AP3D1: variants seen among roughly 807,000 people sequenced by gnomAD.
AP3D1 encodes AP-3 complex subunit delta-1.
Under a neutral mutation model 147.6 loss-of-function variants are expected in AP3D1, and 51 were observed. The observed-to-expected ratio is 0.35, with a 90% confidence interval of 0.28 to 0.44. The LOEUF (loss-of-function observed/expected upper bound fraction) is 0.44, where lower values mean the gene tolerates loss of function less well. Among genes scored for constraint, AP3D1 ranks in the 20% least tolerant of loss-of-function variants. The pLI is 1.00. For missense variants in AP3D1, 1,421 were observed against 1,624.2 expected (o/e 0.87, Z 2.15); for synonymous variants, 760 against 663.0 (o/e 1.15, Z -2.25).
In AP3D1 at chr19:2,118,633, C is replaced by A. The variant is rs1442237398; in HGVS notation, c.1681G>T (p.Val561Leu). 1 of 1,611,838 alleles carries A rather than the reference C, an allele frequency of 6.2e-7. No individual in the cohort carries two copies. The highest frequency in any genetic ancestry group is 8.5e-7 in the Non-Finnish European group (1 of 1,179,986). ...TGCACCTCCAGGTCTGCGCTCTGCA[C>A]AAACTGGGGCAGCCGGTCCACCATG... Reference protein sequence around the residue: ...QLMVDRLPQFVQSADLEVQER... With the variant: ...QLMVDRLPQFLQSADLEVQER... The change falls in exon 15 of 32, where the codon GTG (valine) becomes TTG (leucine). Residue 561 changes from valine to leucine, a missense_variant. Transcript: ENST00000643116.
chr19:2,151,930 G>T (rs1454265254), upstream of AP3D1, among the ~76,000 whole-genome samples: 1 of 152,258 alleles, frequency 6.6e-6, no homozygotes, highest in Non-Finnish European at 1.5e-5. Context: ...AGGAAGACTG[G>T]AGCTCCGCCT....
intron 1 of AP3D1, among the ~76,000 whole-genome samples, chr19:2,158,112 G>A (rs943383970): frequency 1.3e-5 from 2 of 152,050 alleles, no homozygotes; most frequent in Non-Finnish European, 2.9e-5. Flanking sequence ...CTGCAGTGCA[G>A]TGGTGCGATC....
chr19:2,157,331 A>C (rs1003511030), intron 1 of AP3D1, among the ~76,000 whole-genome samples: 2 of 149,362 alleles, frequency 1.3e-5, no homozygotes, highest in Admixed American at 1.3e-4. Context: ...AGTCCCAGCT[A>C]CTTGGGAGGC....
intron 15 of AP3D1, among the ~76,000 whole-genome samples, chr19:2,118,262 G>C (rs546112398): frequency 1.3e-5 from 2 of 152,138 alleles, no homozygotes; most frequent in Non-Finnish European, 2.9e-5. Flanking sequence ...TAGAACCCAC[G>C]TCACCTGCAG....
Position 2,121,293 on chromosome 19 carries a change from T to A in AP3D1, c.1120A>T (p.Met374Leu), listed in dbSNP as rs768665050. ...LYGMVSKKNL[M>L]EIVKKLMTHV... ...GTCATCAGCTTCTTCACGATCTCCA[T>A]CAGGTTCTTCTTGGACACCTGGGCA... Residue 374 changes from methionine (M) to leucine (L), a missense_variant, in exon 13 of 32, where the codon ATG becomes TTG. Met to Leu is a conservative substitution (Grantham distance 15). Transcript: ENST00000643116. The A allele has an allele frequency of 1.2e-5, 19 of 1,614,138 alleles. No homozygotes were observed. The Admixed American group carries it at 3.0e-4, about 25-fold the overall frequency.
intron 1 of AP3D1, among the ~76,000 whole-genome samples, chr19:2,146,292 A>G (rs1599495248): frequency 6.6e-6 from 1 of 152,234 alleles, no homozygotes; most frequent in Non-Finnish European, 1.5e-5. Flanking sequence ...TACAGAAGTC[A>G]GGATCATTAC....
intron 18 of AP3D1, 86 bp from the exon 19 acceptor site, chr19:2,115,699 G>A (rs925363982): frequency 5.7e-6 from 8 of 1,397,120 alleles, no homozygotes; most frequent in East Asian, 4.8e-5. Flanking sequence ...GGAGCGTGAC[G>A]CAGCCCCAAC....
chr19:2,112,840 TG>T lies in AP3D1; in HGVS notation c.2787+19del. On this transcript the variant is annotated intron_variant, in intron 24 of 31. Transcript: ENST00000643116. ...GGCTCATGCAGCCCTCCACAGCCCC[TG>T]GGGGAGTGACAGCCTCACCTTGTCC... is the stretch of plus-strand genomic sequence containing the variant. 6.3e-7 allele frequency: 1 copy of T among 1,594,764 alleles called. No individual in the cohort carries two copies.
At chr19:2,115,468 C>G (rs369801221) in intron 19 of AP3D1, 50 bp from the exon 20 acceptor site, 2 of 1,607,756 alleles carry the variant, frequency 1.2e-6, no homozygotes, top group Non-Finnish European at 1.7e-6. Flanking sequence ...CAGGGGCTCA[C>G]GGGGAGGGCG....
intron 14 of AP3D1, 112 bp downstream of exon 14, chr19:2,120,750 G>A (rs765806366): frequency 1.4e-5 from 15 of 1,082,580 alleles, no homozygotes; most frequent in East Asian, 7.5e-5. Context: ...CAAGACGGCC[G>A]GGGTGGCAGG....
chr19:2,138,479 G>T, intron 2 of AP3D1, 140 bp downstream of exon 2: 1 of 690,970 alleles, frequency 1.4e-6, no homozygotes. Context: ...CCAGGACTCT[G>T]GGTTGGCCCT....
At chr19:2,124,166 C>CT (rs1402311313) in intron 9 of AP3D1, among the ~76,000 whole-genome samples, 5 of 152,376 alleles carry the variant, frequency 3.3e-5, no homozygotes, top group African/African-American at 1.2e-4. Flanking sequence ...CTGCTTCCCT[C>CT]TGGAGTCTGG....
rs367649873 is a variant in AP3D1 at position 2,116,315 on chromosome 19, G to A, written c.2002-37C>T. On this transcript the variant is annotated intron_variant, in intron 17 of 31. Coordinates refer to ENST00000643116, the MANE Select transcript of AP3D1 (RefSeq NM_001261826.3). ...AGCTTGGCATGAGCCCGAGAGAAGC[G>A]GGCAGGATACCCCTCTGTGGACGTC... is the stretch of plus-strand genomic sequence containing the variant. 13 of 1,599,946 alleles carry A rather than the reference G, an allele frequency of 8.1e-6. No individual in the cohort carries two copies. The East Asian group carries it at 1.1e-4, about 14-fold the overall frequency.
At chr19:2,151,128 A>T in intron 1 of AP3D1, 111 bp downstream of exon 1, 1 of 1,081,304 alleles carries the variant, frequency 9.2e-7, no homozygotes, top group Non-Finnish European at 1.3e-6. Context: ...GGGACCTCCA[A>T]CTAAGACAGA....
At chr19:2,120,337 G>A (rs139641431) in intron 14 of AP3D1, among the ~76,000 whole-genome samples, 2 of 152,116 alleles carry the variant, frequency 1.3e-5, no homozygotes, top group African/African-American at 4.8e-5. Flanking sequence ...GGGCAGTGTC[G>A]ATAAGACCCA....
chr19:2,122,527 C>T (rs538368414), intron 11 of AP3D1, among the ~76,000 whole-genome samples: 20 of 152,310 alleles, frequency 1.3e-4, no homozygotes, highest in East Asian at 3.9e-4. Flanking sequence ...AAGGCTGACA[C>T]GGCGGGCGGT....
intron 9 of AP3D1, among the ~76,000 whole-genome samples, chr19:2,125,465 G>A (rs543142956): frequency 1.1e-4 from 17 of 152,208 alleles, no homozygotes; most frequent in African/African-American, 3.1e-4. Context: ...ACAGGCGCCC[G>A]ACACCAAGCC....
intron 1 of AP3D1, among the ~76,000 whole-genome samples, chr19:2,158,466 C>G (rs2019667242): frequency 6.6e-6 from 1 of 151,584 alleles, no homozygotes; most frequent in African/African-American, 2.4e-5. Context: ...AGCAGGGGCC[C>G]AGCTACTTTT....
chr19:2,158,298 C>T (rs555684327), intron 1 of AP3D1, among the ~76,000 whole-genome samples: 19 of 151,982 alleles, frequency 1.3e-4, no homozygotes, highest in African/African-American at 2.2e-4. Flanking sequence ...CCTTGTGATC[C>T]GCCCACCTCG....
Sources: gnomAD v4.1 joint callset for allele counts (sites outside exome capture counted in the v4.1 genomes callset) on GRCh38, gnomAD v4.1.1 for gene constraint, MANE v1.5 for transcripts, NCBI Gene and HGNC (gene_info 2026-07-23, HGNC 2026-07-21) for gene names.